PPP4R4: variants seen among roughly 807,000 people sequenced by gnomAD.
PPP4R4 encodes the protein protein phosphatase 4 regulatory subunit 4.
Under a neutral mutation model 121.8 loss-of-function variants are expected in PPP4R4, and 70 were observed. The observed-to-expected ratio is 0.57, with a 90% confidence interval of 0.47 to 0.70. The LOEUF (loss-of-function observed/expected upper bound fraction) is 0.70, where lower values mean the gene tolerates loss of function less well. PPP4R4 is among the 30% of genes least tolerant of loss of function. PPP4R4 has a pLI of 0.00. For missense variants in PPP4R4, 875 were observed against 1,033.6 expected, an observed-to-expected ratio of 0.85 and a Z score of 2.10; for synonymous variants, 348 against 355.7, an observed-to-expected ratio of 0.98 and a Z score of 0.24.
intron 2 of PPP4R4, among the ~76,000 whole-genome samples, chr14:94,195,400 G>A (rs1476890273): frequency 2.6e-5 from 4 of 152,172 alleles, no homozygotes; most frequent in Non-Finnish European, 5.9e-5. Context: ...CTAGCATGTT[G>A]TAGTTACCAA....
intron 3 of PPP4R4, among the ~76,000 whole-genome samples, chr14:94,208,989 T>C (rs948037851): frequency 1.3e-5 from 2 of 152,012 alleles, no homozygotes; most frequent in African/African-American, 2.4e-5. Context: ...CAGATAAAGA[T>C]TGAATTATAG....
At chr14:94,239,032 TG>T (rs1892488201) in intron 8 of PPP4R4, among the ~76,000 whole-genome samples, 1 of 152,314 alleles carries the variant, frequency 6.6e-6, no homozygotes, top group South Asian at 2.1e-4. Flanking sequence ...CCTGTGTTTG[TG>T]GCTTTATTTC....
At chr14:94,258,032 C>G (rs779078290) in intron 17 of PPP4R4, among the ~76,000 whole-genome samples, 4 of 152,046 alleles carry the variant, frequency 2.6e-5, no homozygotes, top group Non-Finnish European at 5.9e-5. Context: ...ATAGTTTCAT[C>G]AGTTTTATAA....
At chr14:94,260,122 T>G (rs1893698189) in intron 19 of PPP4R4, among the ~76,000 whole-genome samples, 1 of 151,964 alleles carries the variant, frequency 6.6e-6, no homozygotes. Flanking sequence ...AAAAATAAAA[T>G]AAAACTAAAT....
At chr14:94,247,101 C>T (rs939512237) in intron 14 of PPP4R4, among the ~76,000 whole-genome samples, 2 of 152,154 alleles carry the variant, frequency 1.3e-5, no homozygotes, top group African/African-American at 4.8e-5. Context: ...ACTCCTCCCT[C>T]AAAACAAGGT....
intron 23 of PPP4R4, among the ~76,000 whole-genome samples, chr14:94,270,946 A>AC (rs1894293601): frequency 6.6e-6 from 1 of 151,924 alleles, no homozygotes; most frequent in Admixed American, 6.6e-5. Flanking sequence ...AACAACAACA[A>AC]AAAAAGACTC....
At chr14:94,266,415 A>G (rs923986724) in intron 22 of PPP4R4, among the ~76,000 whole-genome samples, 1 of 152,150 alleles carries the variant, frequency 6.6e-6, no homozygotes, top group African/African-American at 2.4e-5. Flanking sequence ...TTAAATTACC[A>G]TGATTTTTTA....
At chr14:94,222,634 C>A (rs1891472002) in intron 3 of PPP4R4, among the ~76,000 whole-genome samples, 1 of 150,232 alleles carries the variant, frequency 6.7e-6, no homozygotes, top group Non-Finnish European at 1.5e-5. Flanking sequence ...CTGCTGGTAA[C>A]AAATTATCTT....
At chr14:94,230,548 C>T in intron 3 of PPP4R4, 39 bp from the exon 4 acceptor site, 2 of 1,550,524 alleles carry the variant, frequency 1.3e-6, no homozygotes, top group Non-Finnish European at 1.8e-6. Context: ...TTTGTGATCT[C>T]TCATCTATGT....
chr14:94,242,327 G>A lies in PPP4R4; in HGVS notation c.1185G>A (p.Met395Ile), dbSNP rs751106606. 1 of 1,609,672 alleles carries A rather than the reference G, an allele frequency of 6.2e-7. No homozygotes were observed. The highest frequency in any genetic ancestry group is 8.5e-7 in the Non-Finnish European group (1 of 1,176,214). The part of the protein sequence containing the change: ...IVFVDPKNFH[M>I]ELYSTFFCLC... Reference sequence around the variant, plus strand: ...TTGTTGATCCTAAAAACTTCCACATGGAACTCTATTCTACATTCTTCTGCC... The same window carrying A: ...TTGTTGATCCTAAAAACTTCCACATAGAACTCTATTCTACATTCTTCTGCC... The change falls in exon 11 of 25, where the codon ATG becomes ATA. Residue 395 changes from methionine to isoleucine, a missense_variant. By Grantham distance (10) the Met-to-Ile change is conservative (BLOSUM62 1). Coordinates refer to ENST00000304338, the MANE Select transcript of PPP4R4 (RefSeq NM_058237.2).
intron 24 of PPP4R4, 122 bp downstream of exon 24, chr14:94,275,643 A>G: frequency 9.1e-7 from 1 of 1,104,012 alleles, no homozygotes; most frequent in Non-Finnish European, 1.3e-6. Flanking sequence ...AATGTTATAA[A>G]TTAAAGGGTA....
rs1892685494 is a variant in PPP4R4, at chr14:94,242,467, A to G, written c.1266+59A>G. The G allele has an allele frequency of 4.7e-6, 7 of 1,504,614 alleles. 2 individuals carry two copies. The South Asian group carries it at 4.7e-5, about 10-fold the overall frequency. The allele number at this position is 1,504,614 out of a possible 1,614,324, so 93.2% of individuals were successfully genotyped here. A position where few individuals can be genotyped will look rare whatever the true frequency, so the allele number is the denominator to read the frequency against. On this transcript the variant is annotated intron_variant, in intron 11 of 24. Coordinates refer to ENST00000304338, the MANE Select transcript of PPP4R4 (RefSeq NM_058237.2). ...GTTGTTAATTCTACCTATGTATACT[A>G]GATGATTTTGTGCTTATAGATTATA... is the stretch of plus-strand genomic sequence containing the variant.
At chr14:94,261,844 C>T (rs779399677) in intron 19 of PPP4R4, among the ~76,000 whole-genome samples, 1 of 151,964 alleles carries the variant, frequency 6.6e-6, no homozygotes, top group Admixed American at 6.6e-5. Context: ...TACTGAATTA[C>T]ACTGATTTTT....
At chr14:94,210,395 T>C (rs531491041) in intron 3 of PPP4R4, among the ~76,000 whole-genome samples, 1 of 151,792 alleles carries the variant, frequency 6.6e-6, no homozygotes, top group South Asian at 2.1e-4. Context: ...AACTGTAAGG[T>C]ATGCCTGAGT....
chr14:94,240,597 G>T (rs965547078), intron 8 of PPP4R4, 76 bp from the exon 9 acceptor site: 6 of 1,429,268 alleles, frequency 4.2e-6, no homozygotes, highest in Non-Finnish European at 5.7e-6. Context: ...TCTGGAATTT[G>T]TGTGTGTATT....
chr14:94,217,425 A>G (rs796800742), intron 3 of PPP4R4, among the ~76,000 whole-genome samples: 6 of 152,338 alleles, frequency 3.9e-5, no homozygotes, highest in African/African-American at 1.4e-4. Context: ...TGGAATGTTC[A>G]TTTCTGAGCA....
Position 94,246,500 on chromosome 14 carries a change from C to T in PPP4R4, c.1572C>T (p.Tyr524=), listed in dbSNP as rs1434829788. Reference sequence around the variant, plus strand: ...TCATATCAAGCGATCAGATTTATTACCGTTTCTTACAAAGAATGTTCACAA... The same window carrying T: ...TCATATCAAGCGATCAGATTTATTATCGTTTCTTACAAAGAATGTTCACAA... ...PHVISSDQIY[Y]RFLQRMFTIM... Residue 524 remains tyrosine, a synonymous_variant, in exon 14 of 25, where the codon TAC becomes TAT. Coordinates refer to ENST00000304338, the MANE Select transcript of PPP4R4 (RefSeq NM_058237.2). 1.3e-5 allele frequency: 21 copies of T among 1,613,670 alleles called. No homozygotes were observed. Among genetic ancestry groups the T allele is most frequent in the Non-Finnish European group, 1.8e-5 (21 of 1,179,822 alleles).
chr14:94,230,462 C>T, intron 3 of PPP4R4, 125 bp from the exon 4 acceptor site: 1 of 824,626 alleles, frequency 1.2e-6, no homozygotes, highest in East Asian at 2.8e-5. Context: ...AGTACATATC[C>T]TTAAAGGTCA....
At chr14:94,203,104 A>G (rs1354002484) in intron 2 of PPP4R4, among the ~76,000 whole-genome samples, 1 of 152,212 alleles carries the variant, frequency 6.6e-6, no homozygotes, top group Non-Finnish European at 1.5e-5. Context: ...TCTTGACAGG[A>G]TGTTGACATT....
Sources: gnomAD v4.1 joint callset for allele counts (sites outside exome capture counted in the v4.1 genomes callset) on GRCh38, gnomAD v4.1.1 for gene constraint, MANE v1.5 for transcripts, NCBI Gene and HGNC (gene_info 2026-07-23, HGNC 2026-07-21) for gene names.